NUAK1: variants seen among roughly 807,000 people sequenced by gnomAD.
NUAK1 encodes the protein NUAK family SNF1-like kinase 1.
NUAK1 carries 26 observed loss-of-function variants against 56.9 expected under a neutral mutation model. The observed-to-expected ratio is 0.46, with a 90% CI of 0.33 to 0.63. The LOEUF is 0.63. Ranked by LOEUF, NUAK1 falls within the 30% of genes least tolerant of loss-of-function variation. The pLI is 0.02. For missense variants in NUAK1, 727 were observed against 876.1 expected, an observed-to-expected ratio of 0.83 and a Z score of 2.15; for synonymous variants, 337 against 336.0, an observed-to-expected ratio of 1.00 and a Z score of -0.03.
chr12:106,101,615 AC>A (rs773831479), intron 2 of NUAK1, among the ~76,000 whole-genome samples: 5 of 152,190 alleles, frequency 3.3e-5, no homozygotes, highest in Non-Finnish European at 7.3e-5. Context: ...CCACACTCAG[AC>A]CAGAATTGTG....
chr12:106,106,826 T>C lies in NUAK1; in HGVS notation c.241-301A>G, dbSNP rs148392637. 9.3e-4 allele frequency among the ~76,000 whole-genome samples: 141 copies of C among 152,258 alleles called. 1 individual carries two copies. The South Asian group carries it at 0.013, about 14-fold the overall frequency. On this transcript the variant is annotated intron_variant, in intron 1 of 6. Coordinates refer to ENST00000261402, the MANE Select transcript of NUAK1 (RefSeq NM_014840.3). ...AGGCTGCTTAACATGGCCAGAGTCG[T>C]TTACTCGAAGAACCCTGATGCTTTG...
intron 4 of NUAK1, 135 bp from the exon 5 acceptor site, chr12:106,072,978 C>T: frequency 1.1e-6 from 1 of 912,432 alleles, no homozygotes; most frequent in South Asian, 1.6e-5. Flanking sequence ...TCGCCATTTT[C>T]TCTCCAGCCC....
chr12:106,090,309 T>C (rs906165974), intron 2 of NUAK1, among the ~76,000 whole-genome samples: 10 of 152,238 alleles, frequency 6.6e-5, no homozygotes, highest in African/African-American at 2.4e-4. Context: ...TCACCTTAAA[T>C]TAATTGAGAG....
chr12:106,088,123 AG>A (rs1278305159), intron 2 of NUAK1, among the ~76,000 whole-genome samples: 3 of 152,338 alleles, frequency 2.0e-5, no homozygotes, highest in Non-Finnish European at 2.9e-5. Flanking sequence ...GGGAGAAGGG[AG>A]GCCACAAATG....
intron 6 of NUAK1, among the ~76,000 whole-genome samples, chr12:106,069,041 A>G (rs2032376065): frequency 6.6e-6 from 1 of 152,248 alleles, no homozygotes; most frequent in South Asian, 2.1e-4. Flanking sequence ...TTCCAAAAAG[A>G]ACAGGCTGGC....
intron 2 of NUAK1, 184 bp from the exon 3 acceptor site, chr12:106,087,069 A>G (rs2136462817): frequency 1.7e-6 from 1 of 603,620 alleles, no homozygotes; most frequent in East Asian, 2.9e-5. Flanking sequence ...CAGGTGGAAA[A>G]TGGTGTGTGT....
intron 1 of NUAK1, among the ~76,000 whole-genome samples, chr12:106,111,447 G>A (rs566136247): frequency 1.3e-5 from 2 of 152,094 alleles, no homozygotes; most frequent in South Asian, 4.2e-4. Context: ...GTCTGGGCAG[G>A]TTGTATGTCG....
chr12:106,090,899 C>T (rs1218232159), intron 2 of NUAK1, among the ~76,000 whole-genome samples: 1 of 152,130 alleles, frequency 6.6e-6, no homozygotes, highest in Non-Finnish European at 1.5e-5. Context: ...CAGGAAAGGA[C>T]CTTAGAGATT....
chr12:106,077,789 G>A (rs946836533), intron 4 of NUAK1, among the ~76,000 whole-genome samples: 2 of 152,138 alleles, frequency 1.3e-5, no homozygotes, highest in South Asian at 2.1e-4. Flanking sequence ...TGTATAATAC[G>A]CACTTGCACA....
chr12:106,076,861 G>A (rs959144602), intron 4 of NUAK1, among the ~76,000 whole-genome samples: 4 of 152,286 alleles, frequency 2.6e-5, no homozygotes, highest in African/African-American at 4.8e-5. Context: ...GGGGGAAAGG[G>A]GAGTTACTAT....
intron 4 of NUAK1, among the ~76,000 whole-genome samples, chr12:106,077,337 T>C (rs534941297): frequency 9.2e-5 from 14 of 152,132 alleles, no homozygotes; most frequent in Non-Finnish European, 1.8e-4. Context: ...GTAAGAAGAG[T>C]AGAGAATACG....
In NUAK1 at chr12:106,067,221, C is replaced by T. The variant is rs1716358517; in HGVS notation, c.1567G>A (p.Gly523Ser). 1.9e-6 allele frequency: 3 copies of T among 1,614,020 alleles called. No individual in the cohort carries two copies. The highest frequency in any genetic ancestry group is 2.5e-6 in the Non-Finnish European group (3 of 1,179,990). Residue 523 changes from glycine (G) to serine (S), a missense_variant, in exon 7 of 7, where the codon GGC (glycine) becomes AGC (serine). By Grantham distance (56) the Gly-to-Ser change is moderately conservative. Coordinates refer to ENST00000261402, the MANE Select transcript of NUAK1 (RefSeq NM_014840.3). This position sits in a 1 kb window ranked among gnomAD's most constrained non-coding sequence, Gnocchi z 6.0. ...TATTTGCTGCTGTGTTTCAAGATGC[C>T]CTTCCTCCGGCAGGAGAGGCTGTGG... ...TSHSLSCRRK[G>S]ILKHSSKYSA...
At chr12:106,068,721 G>A (rs1221468321) in intron 6 of NUAK1, among the ~76,000 whole-genome samples, 1 of 152,206 alleles carries the variant, frequency 6.6e-6, no homozygotes, top group Non-Finnish European at 1.5e-5. Flanking sequence ...ATGCTGAGAA[G>A]GCCACAGGAA....
intron 4 of NUAK1, among the ~76,000 whole-genome samples, chr12:106,080,843 G>T (rs149010611): frequency 8.9e-4 from 136 of 152,232 alleles, no homozygotes; most frequent in Middle Eastern, 3.4e-3. Flanking sequence ...TTCGTGGCTC[G>T]TGTGTCTGTG....
intron 1 of NUAK1, among the ~76,000 whole-genome samples, chr12:106,118,224 T>C (rs2136478115): frequency 6.6e-6 from 1 of 152,068 alleles, no homozygotes; most frequent in African/African-American, 2.4e-5. Context: ...CACCACCCCA[T>C]GAGATAAGCT....
intron 1 of NUAK1, among the ~76,000 whole-genome samples, chr12:106,128,714 C>G (rs1393580927): frequency 6.6e-6 from 1 of 152,194 alleles, no homozygotes; most frequent in East Asian, 1.9e-4. Context: ...TTCAGCCAAA[C>G]AGACGAAAGT....
intron 1 of NUAK1, among the ~76,000 whole-genome samples, chr12:106,106,757 T>TTTTTGTTTTTGTTTTG (rs2032806166): frequency 6.6e-6 from 1 of 152,196 alleles, no homozygotes; most frequent in African/African-American, 2.4e-5. Context: ...GGTGGTTTTG[T>TTTTTGTTTTTGTTTTG]TTTTGTTTTT....
In NUAK1 at chr12:106,097,694, G is replaced by A. The variant is rs535756171; in HGVS notation, c.361+8711C>T. Among the ~76,000 whole-genome samples, 17 of 152,318 alleles carry A rather than the reference G, an allele frequency of 1.1e-4. No homozygotes were observed. In the South Asian group the frequency reaches 3.5e-3, roughly 32 times the overall value. On this transcript the variant is annotated intron_variant, in intron 2 of 6. Transcript: ENST00000261402. ...GGAAACCAGAATCAATTATTTGGAA[G>A]GTTTTGCTTCTAACCTTCTCTGCAG...
At chr12:106,124,674 C>T (rs1238803951) in intron 1 of NUAK1, among the ~76,000 whole-genome samples, 1 of 152,156 alleles carries the variant, frequency 6.6e-6, no homozygotes, top group African/African-American at 2.4e-5. Context: ...TGTCTCCCTA[C>T]CATCCAGAGT....
Sources: gnomAD v4.1 joint callset for allele counts (sites outside exome capture counted in the v4.1 genomes callset) on GRCh38, gnomAD v4.1.1 for gene constraint, Gnocchi (gnomAD v3.1) non-coding constraint, MANE v1.5 for transcripts, NCBI Gene and HGNC (gene_info 2026-07-23, HGNC 2026-07-21) for gene names.